Variants in PDE5A observed in about 807,000 individuals in gnomAD.
PDE5A encodes the protein phosphodiesterase 5A, also known as cGMP-specific 3',5'-cyclic phosphodiesterase.
Under a neutral mutation model 110.2 loss-of-function variants are expected in PDE5A, and 67 were observed. That is an observed-to-expected ratio of 0.61 (90% CI 0.50 to 0.75). The LOEUF (loss-of-function observed/expected upper bound fraction) is 0.75, where lower values mean the gene tolerates loss of function less well. Ranked by LOEUF, PDE5A falls within the 30% of genes least tolerant of loss-of-function variation. PDE5A has a pLI of 0.00. For synonymous variants in PDE5A, 328 were observed against 351.2 expected, an observed-to-expected ratio of 0.93 and a Z score of 0.74; for missense variants, 862 against 1,045.1, an observed-to-expected ratio of 0.82 and a Z score of 2.42.
intron 3 of PDE5A, among the ~76,000 whole-genome samples, chr4:119,591,639 C>A (rs1728968759): frequency 6.6e-6 from 1 of 152,144 alleles, no homozygotes. Flanking sequence ...AATATTGCAC[C>A]TTGTTAGTGG....
chr4:119,541,058 G>A (rs1206745485), intron 10 of PDE5A, among the ~76,000 whole-genome samples: 2 of 152,118 alleles, frequency 1.3e-5, no homozygotes, highest in East Asian at 1.9e-4. Context: ...CTAAGCCAGT[G>A]GGAGGGGAAG....
chr4:119,509,994 A>G (rs1467210526), intron 15 of PDE5A, among the ~76,000 whole-genome samples: 1 of 151,990 alleles, frequency 6.6e-6, no homozygotes, highest in Non-Finnish European at 1.5e-5. Context: ...GATGTTTCTT[A>G]CCTATTCTCC....
chr4:119,611,093 G>GCT (rs1176737352), intron 1 of PDE5A, among the ~76,000 whole-genome samples: 1 of 152,184 alleles, frequency 6.6e-6, no homozygotes, highest in Non-Finnish European at 1.5e-5. Context: ...TGTCTGGGAT[G>GCT]CTCTCCCCTC....
chr4:119,594,810 G>C (rs186851564), intron 3 of PDE5A, among the ~76,000 whole-genome samples: 9 of 152,324 alleles, frequency 5.9e-5, no homozygotes, highest in Admixed American at 5.9e-4. Flanking sequence ...TTAGGGCCTT[G>C]TTAATCAAAT....
chr4:119,545,437 C>T (rs1297627691), intron 9 of PDE5A, among the ~76,000 whole-genome samples: 1 of 151,918 alleles, frequency 6.6e-6, no homozygotes, highest in Non-Finnish European at 1.5e-5. Context: ...TAATGCAAAA[C>T]CAAAAATAAA....
At chr4:119,601,822 G>A (rs1179480841) in intron 2 of PDE5A, among the ~76,000 whole-genome samples, 1 of 152,170 alleles carries the variant, frequency 6.6e-6, no homozygotes, top group African/African-American at 2.4e-5. Context: ...CTTAGTTAAG[G>A]TGTCAGCATT....
chr4:119,596,494 AC>A (rs1249186520), intron 3 of PDE5A, 28 bp downstream of exon 3: 3 of 1,225,806 alleles, frequency 2.4e-6, no homozygotes, highest in Non-Finnish European at 2.3e-6. Flanking sequence ...ATTTCCAATG[AC>A]CTTTTATAAA....
chr4:119,601,698 G>C (rs1486988589), intron 2 of PDE5A, among the ~76,000 whole-genome samples: 2 of 152,142 alleles, frequency 1.3e-5, no homozygotes, highest in Non-Finnish European at 2.9e-5. Context: ...AGGCTTGTGG[G>C]ATTGAGCCCT....
intron 11 of PDE5A, among the ~76,000 whole-genome samples, chr4:119,536,631 A>G (rs1251446786): frequency 2.6e-5 from 4 of 152,204 alleles, no homozygotes; most frequent in East Asian, 3.9e-4. Context: ...ATTAGTATCT[A>G]AAGTTCATAG....
At chr4:119,573,053 T>C (rs1728196897) in intron 3 of PDE5A, among the ~76,000 whole-genome samples, 1 of 152,226 alleles carries the variant, frequency 6.6e-6, no homozygotes, top group African/African-American at 2.4e-5. Context: ...CAACTTGCAA[T>C]TATATTCAAT....
At chr4:119,619,055 C>T (rs1003567720) in intron 1 of PDE5A, among the ~76,000 whole-genome samples, 1 of 152,092 alleles carries the variant, frequency 6.6e-6, no homozygotes, top group Admixed American at 6.5e-5. Context: ...GTGAATTAAT[C>T]ACTAATACCA....
At chr4:119,501,391 A>G (rs1725326952) in intron 19 of PDE5A, 138 bp from the exon 20 acceptor site, 2 of 597,752 alleles carry the variant, frequency 3.3e-6, no homozygotes, top group East Asian at 3.0e-5. Flanking sequence ...GCTCACTGCA[A>G]CCTCCACCTC....
At chr4:119,623,674 G>A (rs1351436804) in intron 1 of PDE5A, among the ~76,000 whole-genome samples, 1 of 152,096 alleles carries the variant, frequency 6.6e-6, no homozygotes, top group Non-Finnish European at 1.5e-5. Flanking sequence ...ATTTAAAAAG[G>A]AAATTTGGTT....
intron 3 of PDE5A, among the ~76,000 whole-genome samples, chr4:119,592,656 G>A (rs1348526189): frequency 6.6e-6 from 1 of 152,002 alleles, no homozygotes; most frequent in Non-Finnish European, 1.5e-5. Context: ...ATGCTTCAAT[G>A]AGCATTTCTT....
intron 1 of PDE5A, among the ~76,000 whole-genome samples, chr4:119,616,676 G>A (rs1165002269): frequency 2.6e-5 from 4 of 151,872 alleles, no homozygotes; most frequent in African/African-American, 4.8e-5. Context: ...AGGAAAAGGC[G>A]AAAGTTGACA....
At chr4:119,600,577 A>G (rs527625542) in intron 2 of PDE5A, among the ~76,000 whole-genome samples, 1 of 152,244 alleles carries the variant, frequency 6.6e-6, no homozygotes, top group Non-Finnish European at 1.5e-5. Flanking sequence ...CCAGAAAGTG[A>G]AAAAAATGCC....
chr4:119,617,212 T>C (rs1729972536), intron 1 of PDE5A, among the ~76,000 whole-genome samples: 1 of 152,056 alleles, frequency 6.6e-6, no homozygotes, highest in African/African-American at 2.4e-5. Flanking sequence ...ACACCTTATG[T>C]TTTGGGTTTT....
intron 3 of PDE5A, among the ~76,000 whole-genome samples, chr4:119,574,697 T>C (rs1210326872): frequency 6.6e-6 from 1 of 152,122 alleles, no homozygotes; most frequent in Non-Finnish European, 1.5e-5. Context: ...GGACTTAGGT[T>C]ATAAGTCTCG....
chr4:119,611,603 T>A (rs1234007203), intron 1 of PDE5A, among the ~76,000 whole-genome samples: 1 of 152,204 alleles, frequency 6.6e-6, no homozygotes, highest in Non-Finnish European at 1.5e-5. Flanking sequence ...TGCCTAAAAG[T>A]TCTACATTAT....
Sources: gnomAD v4.1 joint callset for allele counts (sites outside exome capture counted in the v4.1 genomes callset) on GRCh38, gnomAD v4.1.1 for gene constraint, MANE v1.5 for transcripts, NCBI Gene and HGNC (gene_info 2026-07-23, HGNC 2026-07-21) for gene names.